Variants in ACTR3B observed in about 807,000 individuals in gnomAD.
ACTR3B encodes the protein actin related protein 3B.
A neutral mutation model predicts 59.0 loss-of-function variants in ACTR3B; 8 were observed. The observed-to-expected ratio is 0.14, with a 90% CI of 0.08 to 0.24. The LOEUF (loss-of-function observed/expected upper bound fraction) is 0.24. Among genes scored for constraint, ACTR3B ranks in the 10% least tolerant of loss-of-function variants. The pLI is 1.00. For synonymous variants in ACTR3B, 148 were observed against 197.9 expected (o/e 0.75, Z 2.12); for missense variants, 245 against 552.3 (o/e 0.44, Z 5.58).
At chr7:152,847,899 C>T (rs531092895) in intron 9 of ACTR3B, among the ~76,000 whole-genome samples, 80 of 152,264 alleles carry the variant, frequency 5.3e-4, no homozygotes, top group African/African-American at 1.6e-3. Context: ...TAATGATGCG[C>T]GTTTCTTCCC....
At chr7:152,812,820 G>T (rs998732444) in intron 4 of ACTR3B, 1 of 128,450 alleles carries the variant, frequency 7.8e-6, no homozygotes, top group Non-Finnish European at 1.7e-5. Flanking sequence ...TGTCGTAGGG[G>T]TGTATTAGTC....
chr7:152,836,519 C>T (rs1797469653), intron 9 of ACTR3B, among the ~76,000 whole-genome samples: 4 of 151,400 alleles, frequency 2.6e-5, no homozygotes, highest in Middle Eastern at 6.8e-3. Flanking sequence ...CCCAGAAGGT[C>T]GAGGCTGCAG....
At chr7:152,845,546 A>G (rs1336246934) in intron 9 of ACTR3B, among the ~76,000 whole-genome samples, 1 of 152,198 alleles carries the variant, frequency 6.6e-6, no homozygotes, top group Admixed American at 6.5e-5. Flanking sequence ...CACGGTGAGG[A>G]AGCAGGGATT....
chr7:152,829,882 A>G (rs1250057704), intron 9 of ACTR3B, among the ~76,000 whole-genome samples: 1 of 152,160 alleles, frequency 6.6e-6, no homozygotes, highest in Non-Finnish European at 1.5e-5. Context: ...TCTACTTCTC[A>G]GTTCTATTCA....
At chr7:152,819,120 G>A (rs1276713995) in intron 6 of ACTR3B, among the ~76,000 whole-genome samples, 1 of 152,162 alleles carries the variant, frequency 6.6e-6, no homozygotes, top group Non-Finnish European at 1.5e-5. Context: ...TTTAAGTTGA[G>A]TTTTAGTAAT....
intron 1 of ACTR3B, among the ~76,000 whole-genome samples, chr7:152,778,854 G>A (rs1348919610): frequency 1.4e-5 from 2 of 147,642 alleles, no homozygotes; most frequent in Non-Finnish European, 3.0e-5. Flanking sequence ...GAAGTGGGAG[G>A]ATCACTTGAG....
chr7:152,766,710 A>G (rs886192694), intron 1 of ACTR3B, among the ~76,000 whole-genome samples: 4 of 152,032 alleles, frequency 2.6e-5, no homozygotes, highest in African/African-American at 9.7e-5. Context: ...TCTTTTCTTT[A>G]TTGTTTCTAG....
intron 1 of ACTR3B, among the ~76,000 whole-genome samples, chr7:152,767,866 G>C (rs1256398929): frequency 3.3e-5 from 5 of 151,972 alleles, no homozygotes; most frequent in Non-Finnish European, 7.4e-5. Flanking sequence ...CTGCTTTACA[G>C]AATGCTCATA....
At chr7:152,770,804 G>C (rs1433177383) in intron 1 of ACTR3B, among the ~76,000 whole-genome samples, 1 of 134,554 alleles carries the variant, frequency 7.4e-6, no homozygotes, top group Non-Finnish European at 1.6e-5. Context: ...TGTTGAGCAA[G>C]CAGGTCCAGG....
At chr7:152,795,306 C>G (rs151193203) in intron 2 of ACTR3B, among the ~76,000 whole-genome samples, 1 of 152,234 alleles carries the variant, frequency 6.6e-6, no homozygotes, top group African/African-American at 2.4e-5. Context: ...CTTGGCCTCC[C>G]ACAGTGCTGG....
At chr7:152,800,108 G>A (rs1397920542) in intron 2 of ACTR3B, among the ~76,000 whole-genome samples, 2 of 152,138 alleles carry the variant, frequency 1.3e-5, no homozygotes, top group Non-Finnish European at 2.9e-5. Flanking sequence ...GCTATGTGAT[G>A]TAGAGTCTTA....
intron 9 of ACTR3B, 148 bp from the exon 10 acceptor site, chr7:152,851,978 C>A: frequency 2.0e-6 from 2 of 1,015,866 alleles, no homozygotes; most frequent in Non-Finnish European, 2.9e-6. Context: ...TTTCCAATAG[C>A]ATTAAGTTTG....
intron 1 of ACTR3B, among the ~76,000 whole-genome samples, chr7:152,773,554 T>A (rs2098129284): frequency 6.6e-6 from 1 of 151,780 alleles, no homozygotes; most frequent in Non-Finnish European, 1.5e-5. Flanking sequence ...GATACTGCAC[T>A]CCAGCCTGGG....
At chr7:152,803,101 C>T (rs1449671478) in intron 4 of ACTR3B, among the ~76,000 whole-genome samples, 2 of 152,170 alleles carry the variant, frequency 1.3e-5, no homozygotes, top group African/African-American at 4.8e-5. Flanking sequence ...GGTTGGAGTT[C>T]TGTGGCACAA....
intron 9 of ACTR3B, among the ~76,000 whole-genome samples, chr7:152,831,431 C>T (rs1469769935): frequency 3.3e-5 from 5 of 152,142 alleles, no homozygotes; most frequent in Admixed American, 1.3e-4. Flanking sequence ...GATCTGGGTC[C>T]GTGCTCTCCA....
intron 1 of ACTR3B, among the ~76,000 whole-genome samples, chr7:152,775,091 T>C (rs9784945): frequency 1.2e-4 from 18 of 149,118 alleles, no homozygotes; most frequent in African/African-American, 4.0e-4. Context: ...ACTCAGGAAG[T>C]TGAGGCAGAT....
rs373420648 is a variant in ACTR3B, at chr7:152,853,593, G to A, written c.1161+16G>A. ...GGCCTCGACTGTAAGTCCCTCTCTC[G>A]AGGGCTCTGTGTCTCCATTCCTGTG... is the stretch of plus-strand genomic sequence containing the variant. On this transcript the variant is annotated intron_variant, in intron 11 of 11. Transcript: ENST00000256001. 8.7e-6 allele frequency: 14 copies of A among 1,607,698 alleles called. No homozygotes were observed. Among genetic ancestry groups the A allele is most frequent in the African/African-American group, 1.3e-5 (1 of 74,772 alleles).
intron 9 of ACTR3B, among the ~76,000 whole-genome samples, chr7:152,843,765 A>G (rs1798050289): frequency 6.6e-6 from 1 of 152,258 alleles, no homozygotes; most frequent in Admixed American, 6.5e-5. Context: ...GGGAATAGGA[A>G]CAGCAGATTA....
At chr7:152,783,951 G>A (rs2098163227) in intron 2 of ACTR3B, among the ~76,000 whole-genome samples, 1 of 152,082 alleles carries the variant, frequency 6.6e-6, no homozygotes, top group Non-Finnish European at 1.5e-5. Context: ...TTAGTTGGGT[G>A]TGGTCGCAAG....
Sources: gnomAD v4.1 joint callset for allele counts (sites outside exome capture counted in the v4.1 genomes callset) on GRCh38, gnomAD v4.1.1 for gene constraint, MANE v1.5 for transcripts, NCBI Gene and HGNC (gene_info 2026-07-23, HGNC 2026-07-21) for gene names.